CACNG8: variants seen among roughly 807,000 people sequenced by gnomAD.
CACNG8 encodes the protein calcium voltage-gated channel auxiliary subunit gamma 8.
In CACNG8, 5 loss-of-function variants were observed where a neutral mutation model predicts 26.9. That is an observed-to-expected ratio of 0.19 (90% CI 0.10 to 0.39). The LOEUF (loss-of-function observed/expected upper bound fraction) is 0.39, where lower values mean the gene tolerates loss of function less well. Among genes scored for constraint, CACNG8 ranks in the 10% least tolerant of loss-of-function variants. The probability of loss-of-function intolerance (pLI) is 1.00; values close to 1 mark genes in which losing one functional copy is unlikely to be tolerated. For missense variants in CACNG8, 473 were observed against 609.4 expected (o/e 0.78, Z 2.36); for synonymous variants, 321 against 296.7 (o/e 1.08, Z -0.84).
At chr19:53,973,925 A>G (rs1190429284) in intron 1 of CACNG8, among the ~76,000 whole-genome samples, 2 of 152,232 alleles carry the variant, frequency 1.3e-5, no homozygotes, top group South Asian at 2.1e-4. Flanking sequence ...TGGGAGTTGT[A>G]TATTCATTCA....
At chr19:53,978,371 C>T (rs1273574344) in intron 2 of CACNG8, 142 bp downstream of exon 2, 2 of 637,362 alleles carry the variant, frequency 3.1e-6, no homozygotes, top group Non-Finnish European at 5.7e-6. Flanking sequence ...CAATCCGAGT[C>T]CAGATAGTGA....
chr19:53,967,033 G>A (rs1026523491), intron 1 of CACNG8, among the ~76,000 whole-genome samples: 6 of 152,252 alleles, frequency 3.9e-5, no homozygotes, highest in Non-Finnish European at 7.4e-5. Flanking sequence ...TGATATTTTG[G>A]GGTGGATAAT....
rs2069408475 is a variant in CACNG8 at position 53,986,420 on chromosome 19, T to C, written c.*3571T>C. 6.6e-6 allele frequency: 1 copy of C among 152,086 alleles called. No individual in the cohort carries two copies. The highest frequency in any genetic ancestry group is 1.5e-5 in the Non-Finnish European group (1 of 68,016). The allele number at this position is 152,086 out of a possible 1,614,324, so 9.4% of individuals were successfully genotyped here. A position where few individuals can be genotyped will look rare whatever the true frequency, so the allele number is the denominator to read the frequency against. ...AGAGATAAACAATAAATAATATCAT[T>C]TCAGTAACCAAAAAGTGCTTTAAAA... is the stretch of plus-strand genomic sequence containing the variant. On this transcript the variant is annotated 3_prime_UTR_variant, in exon 4 of 4. Transcript: ENST00000270458.
In CACNG8 at chr19:53,983,036, G is replaced by T. The variant is rs1018045391; in HGVS notation, c.*187G>T. On this transcript the variant is annotated 3_prime_UTR_variant, in exon 4 of 4. Transcript: ENST00000270458. ...AGCAGGGACCCCGAGGGAGGGGGCA[G>T]GGGAGGGAGGGGGCCGCTGTGAGGG... 2 of 299,562 alleles carry T rather than the reference G, an allele frequency of 6.7e-6. No individual in the cohort carries two copies. Among genetic ancestry groups the T allele is most frequent in the Non-Finnish European group, 1.2e-5 (2 of 166,012 alleles). The allele number at this position is 299,562 out of a possible 1,614,324, so 18.6% of individuals were successfully genotyped here.
chr19:53,963,522 T>C (rs898631194), intron 1 of CACNG8, 97 bp downstream of exon 1: 5 of 1,222,000 alleles, frequency 4.1e-6, no homozygotes, highest in Admixed American at 6.4e-5. Flanking sequence ...GGGGCCCCCT[T>C]GGGCACCCCT....
chr19:53,967,437 A>G (rs1285716474), intron 1 of CACNG8, among the ~76,000 whole-genome samples: 1 of 152,250 alleles, frequency 6.6e-6, no homozygotes, highest in Non-Finnish European at 1.5e-5. Context: ...TAAAGATTTC[A>G]GGCTTTGTGG....
rs181390662 is a variant in CACNG8 at position 53,983,661 on chromosome 19, G to A, written c.*812G>A. On this transcript the variant is annotated 3_prime_UTR_variant, in exon 4 of 4. Transcript: ENST00000270458. ...AGTTAGGCTATAGGAGAAACGAGAT[G>A]CTATGAAATGCTCCATCAGGGGAGC... The A allele has an allele frequency of 1.3e-5, 2 of 152,410 alleles. No individual in the cohort carries two copies. The highest frequency in any genetic ancestry group is 2.9e-5 in the Non-Finnish European group (2 of 68,080). The allele number at this position is 152,410 out of a possible 1,614,324, so 9.4% of individuals were successfully genotyped here.
chr19:53,972,932 C>G (rs987546739), intron 1 of CACNG8, among the ~76,000 whole-genome samples: 11 of 152,252 alleles, frequency 7.2e-5, no homozygotes, highest in African/African-American at 2.6e-4. Flanking sequence ...CACTCACCCC[C>G]AATAGGGCTT....
intron 2 of CACNG8, 23 bp downstream of exon 2, chr19:53,978,252 C>T: frequency 4.4e-6 from 7 of 1,593,286 alleles, no homozygotes; most frequent in East Asian, 2.2e-5. Context: ...CCGGGACAGA[C>T]GTGGGGAGTG....
At chr19:53,973,429 A>C (rs1017408123) in intron 1 of CACNG8, among the ~76,000 whole-genome samples, 2 of 152,162 alleles carry the variant, frequency 1.3e-5, no homozygotes, top group African/African-American at 4.8e-5. Context: ...AGGCTGAGGC[A>C]GGAGAATCAT....
intron 3 of CACNG8, among the ~76,000 whole-genome samples, chr19:53,980,339 G>C (rs2069358636): frequency 6.6e-6 from 1 of 152,148 alleles, no homozygotes; most frequent in Admixed American, 6.5e-5. Flanking sequence ...AGCTGGGGAG[G>C]GGGTGGGACC....
intron 1 of CACNG8, among the ~76,000 whole-genome samples, chr19:53,977,569 G>C (rs1314460951): frequency 6.6e-6 from 1 of 152,070 alleles, no homozygotes; most frequent in African/African-American, 2.4e-5. Context: ...CCTGCAGAAA[G>C]AGACTGGAAC....
At chr19:53,972,361 C>CTTTTTTT (rs577196456) in intron 1 of CACNG8, among the ~76,000 whole-genome samples, 7 of 106,284 alleles carry the variant, frequency 6.6e-5, no homozygotes, top group Admixed American at 1.1e-4. Context: ...TTCTTCTTTT[C>CTTTTTTT]TTTTTTTTTT....
chr19:53,971,569 C>G (rs926400006), intron 1 of CACNG8, among the ~76,000 whole-genome samples: 6 of 152,232 alleles, frequency 3.9e-5, no homozygotes, highest in Admixed American at 2.0e-4. Context: ...TGTGCCCCCT[C>G]CTCAGGGATT....
In CACNG8 at chr19:53,963,367, G is replaced by A. The variant is rs1470050445; in HGVS notation, c.225G>A (p.Glu75=). The change falls in exon 1 of 4, where the codon GAG becomes GAA. Residue 75 remains glutamate (E), a synonymous_variant. Transcript: ENST00000270458. ...ACCGCGGGGGCGGCGGCGCCTCGGA[G>A]AAGAAGGACCCCGGCGGCCTCACGC... 27 of 1,589,074 alleles carry A rather than the reference G, an allele frequency of 1.7e-5. No individual in the cohort carries two copies. The highest frequency in any genetic ancestry group is 2.2e-5 in the Non-Finnish European group (26 of 1,174,214).
intron 3 of CACNG8, among the ~76,000 whole-genome samples, chr19:53,980,830 A>G (rs1264251715): frequency 6.6e-6 from 1 of 152,172 alleles, no homozygotes; most frequent in East Asian, 1.9e-4. Flanking sequence ...TATGAGTAGC[A>G]TTGGGAAATT....
intron 1 of CACNG8, among the ~76,000 whole-genome samples, chr19:53,976,511 C>G (rs565476231): frequency 5.3e-5 from 8 of 152,336 alleles, no homozygotes; most frequent in Non-Finnish European, 8.8e-5. Context: ...GTATTACTCA[C>G]TCCCTTATAT....
At chr19:53,969,466 C>T (rs2069289864) in intron 1 of CACNG8, among the ~76,000 whole-genome samples, 1 of 151,312 alleles carries the variant, frequency 6.6e-6, no homozygotes, top group South Asian at 2.1e-4. Flanking sequence ...ACCACATTGC[C>T]CAGCCTGGTC....
intron 3 of CACNG8, 88 bp downstream of exon 3, chr19:53,980,095 C>A: frequency 7.5e-7 from 1 of 1,341,950 alleles, no homozygotes; most frequent in African/African-American, 1.5e-5. Context: ...TGCGCGCGCG[C>A]GCGTGAGTGC....
Sources: allele counts gnomAD v4.1 joint callset (sites outside exome capture counted in the v4.1 genomes callset), GRCh38; gene constraint gnomAD v4.1.1; transcripts MANE v1.5; gene names NCBI Gene and HGNC (gene_info 2026-07-23, HGNC 2026-07-21).